The following ASIC2 variants were observed in gnomAD, a reference collection of about 807,000 sequenced individuals.
ASIC2 encodes acid sensing ion channel subunit 2, also known as acid-sensing ion channel 2.
A neutral mutation model predicts 57.3 loss-of-function variants in ASIC2; 25 were observed. That is an observed-to-expected ratio of 0.44 (90% CI 0.32 to 0.61). The LOEUF (loss-of-function observed/expected upper bound fraction) is 0.61, where lower values mean the gene tolerates loss of function less well. ASIC2 is among the 20% of genes least tolerant of loss of function. The pLI is 0.06. For missense variants in ASIC2, 641 were observed against 738.1 expected (o/e 0.87, Z 1.52); for synonymous variants, 319 against 307.5 (o/e 1.04, Z -0.39).
chr17:34,081,224 T>C (rs1182274458), intron 1 of ASIC2, among the ~76,000 whole-genome samples: 1 of 152,208 alleles, frequency 6.6e-6, no homozygotes, highest in East Asian at 1.9e-4. Context: ...AGGATACCAT[T>C]AACAAACTCC....
At chr17:33,585,477 A>G (rs1305785901) in intron 1 of ASIC2, among the ~76,000 whole-genome samples, 3 of 152,216 alleles carry the variant, frequency 2.0e-5, no homozygotes, top group Non-Finnish European at 4.4e-5. Flanking sequence ...CTGAGTAGAA[A>G]ATTGCAGATA....
intron 1 of ASIC2, among the ~76,000 whole-genome samples, chr17:33,731,835 A>G (rs1909752310): frequency 6.6e-6 from 1 of 152,110 alleles, no homozygotes; most frequent in African/African-American, 2.4e-5. Flanking sequence ...CTGGCCTCAG[A>G]GCAAAGACAG....
intron 1 of ASIC2, among the ~76,000 whole-genome samples, chr17:33,869,524 G>A (rs1470541798): frequency 2.0e-5 from 3 of 152,174 alleles, no homozygotes; most frequent in South Asian, 2.1e-4. Flanking sequence ...TAAATTAAAT[G>A]TGGTATACCT....
intron 1 of ASIC2, among the ~76,000 whole-genome samples, chr17:33,544,799 G>T (rs539506499): frequency 6.6e-6 from 1 of 151,832 alleles, no homozygotes; most frequent in Non-Finnish European, 1.5e-5. Flanking sequence ...AAAAAATATA[G>T]GTCGGGTATT....
At chr17:34,053,639 C>A (rs1209331474) in intron 1 of ASIC2, among the ~76,000 whole-genome samples, 1 of 152,082 alleles carries the variant, frequency 6.6e-6, no homozygotes, top group Non-Finnish European at 1.5e-5. Context: ...GATTTAATTT[C>A]AAATAAACAT....
intron 1 of ASIC2, among the ~76,000 whole-genome samples, chr17:34,142,716 C>T (rs1388772424): frequency 6.6e-6 from 1 of 152,170 alleles, no homozygotes; most frequent in African/African-American, 2.4e-5. Flanking sequence ...GAAGTTGAAG[C>T]TCTCAATGCT....
chr17:33,679,381 C>G (rs543936705), intron 1 of ASIC2, among the ~76,000 whole-genome samples: 1 of 152,288 alleles, frequency 6.6e-6, no homozygotes, highest in African/African-American at 2.4e-5. Context: ...TTATTAATTA[C>G]CCATTGGTAT....
intron 1 of ASIC2, among the ~76,000 whole-genome samples, chr17:34,033,268 G>C (rs4453553): frequency 0.11 from 16,909 of 152,076 alleles, 1,264 homozygotes; most frequent in East Asian, 0.29. Context: ...ATGACTACTT[G>C]GTGCACATCA....
intron 1 of ASIC2, among the ~76,000 whole-genome samples, chr17:34,152,560 G>A (rs34804865): frequency 6.6e-6 from 1 of 152,236 alleles, no homozygotes; most frequent in Non-Finnish European, 1.5e-5. Context: ...CATCAGGTCT[G>A]ACTCCTGTGA....
rs111690099 is a variant in ASIC2, at chr17:33,959,474, C to T, written c.555+196504G>A. On this transcript the variant is annotated intron_variant, in intron 1 of 9. Transcript: ENST00000359872. Reference sequence around the variant, plus strand: ...ATCTGCAAGCTGAGGATCAAGGAAGCCAGTCTGAGTTCCAAAATCTCAAAA... The same window carrying T: ...ATCTGCAAGCTGAGGATCAAGGAAGTCAGTCTGAGTTCCAAAATCTCAAAA... 4.0e-3 allele frequency among the ~76,000 whole-genome samples: 608 copies of T among 152,316 alleles called. 6 individuals carry two copies. The highest frequency in any genetic ancestry group is 0.014 in the African/African-American group (588 of 41,564).
intron 1 of ASIC2, among the ~76,000 whole-genome samples, chr17:33,463,618 C>T (rs1465886048): frequency 6.6e-6 from 1 of 152,208 alleles, no homozygotes; most frequent in African/African-American, 2.4e-5. Flanking sequence ...GCGTGAGCCC[C>T]AGCCCTTATG....
chr17:33,300,331 G>A (rs555172447), intron 1 of ASIC2, among the ~76,000 whole-genome samples: 61 of 150,560 alleles, frequency 4.1e-4, no homozygotes, highest in Admixed American at 8.0e-4. Context: ...AGTATTTTCA[G>A]CTAGTTTATG....
intron 1 of ASIC2, among the ~76,000 whole-genome samples, chr17:34,114,588 G>A (rs911131552): frequency 3.9e-5 from 6 of 152,156 alleles, no homozygotes; most frequent in African/African-American, 7.2e-5. Context: ...TTTTTGGGGG[G>A]CTAAAAGCAA....
chr17:33,443,406 A>ATTTTTTTTTTTTTTTTTTTTTTTTTTTT (rs779597047), intron 1 of ASIC2, among the ~76,000 whole-genome samples: 1 of 75,232 alleles, frequency 1.3e-5, no homozygotes, highest in Non-Finnish European at 2.4e-5. Context: ...GGAGGGTAAG[A>ATTTTTTTTTTTTTTTTTTTTTTTTTTTT]TTTTTTTTTT....
At chr17:33,827,337 C>CTTTTTTTTGTTTTTTTTTTTTTTT (rs1912955000) in intron 1 of ASIC2, among the ~76,000 whole-genome samples, 1 of 76,536 alleles carries the variant, frequency 1.3e-5, no homozygotes, top group Non-Finnish European at 2.6e-5. Context: ...GCAGCTCACT[C>CTTTTTTTTGTTTTTTTTTTTTTTT]TTTTTTTTTT....
intron 1 of ASIC2, among the ~76,000 whole-genome samples, chr17:33,221,962 G>T (rs1357626113): frequency 6.6e-6 from 1 of 152,114 alleles, no homozygotes; most frequent in African/African-American, 2.4e-5. Flanking sequence ...CTCCCATCAT[G>T]CTTCAGGGCT....
chr17:33,295,207 G>T (rs1905675139), upstream of ASIC2, among the ~76,000 whole-genome samples: 1 of 152,142 alleles, frequency 6.6e-6, no homozygotes, highest in Non-Finnish European at 1.5e-5. Flanking sequence ...TTGACCAACT[G>T]TCTTCTCTGC....
At chr17:33,345,766 TG>T (rs1327628228) in intron 1 of ASIC2, among the ~76,000 whole-genome samples, 9 of 152,106 alleles carry the variant, frequency 5.9e-5, no homozygotes, top group Admixed American at 1.3e-4. Context: ...TAGGTTTAAA[TG>T]GGAGTGATAT....
chr17:34,123,917 T>C (rs1223197256), intron 1 of ASIC2, among the ~76,000 whole-genome samples: 1 of 151,996 alleles, frequency 6.6e-6, no homozygotes, highest in Non-Finnish European at 1.5e-5. Context: ...ACCCCATCTC[T>C]ACAAAAATAC....
Sources: gnomAD v4.1 joint callset for allele counts (sites outside exome capture counted in the v4.1 genomes callset) on GRCh38, gnomAD v4.1.1 for gene constraint, MANE v1.5 for transcripts, NCBI Gene and HGNC (gene_info 2026-07-23, HGNC 2026-07-21) for gene names.